The following GET3 variants were observed in gnomAD, a reference collection of about 807,000 sequenced individuals.
GET3 encodes ATPase GET3.
GET3 carries 15 observed loss-of-function variants against 32.4 expected under a neutral mutation model. That is an observed-to-expected ratio of 0.46 (90% CI 0.31 to 0.71). GET3 has a LOEUF of 0.71. Ranked by LOEUF, GET3 falls within the 30% of genes least tolerant of loss-of-function variation. GET3 has a pLI of 0.05. For missense variants in GET3, 333 were observed against 459.0 expected, an observed-to-expected ratio of 0.73 and a Z score of 2.51; for synonymous variants, 198 against 185.6, an observed-to-expected ratio of 1.07 and a Z score of -0.54.
chr19:12,740,632 G>A (rs927432216), intron 2 of GET3, among the ~76,000 whole-genome samples: 7 of 152,176 alleles, frequency 4.6e-5, no homozygotes, highest in South Asian at 2.1e-4. Flanking sequence ...AGCCGAGATC[G>A]CGCCACTGCT....
At position 12,748,192 on chromosome 19, in the gene GET3, C is replaced by T. The variant is rs1967811731; in HGVS notation, c.*88C>T. Reference sequence around the variant, plus strand: ...GGGCAGAGTTTGCACAAAGTCCCCCCCATAATACAGGGGGAGCCACTTGGG... The same window carrying T: ...GGGCAGAGTTTGCACAAAGTCCCCCTCATAATACAGGGGGAGCCACTTGGG... On this transcript the variant is annotated 3_prime_UTR_variant, in exon 7 of 7. Transcript: ENST00000357332. 3 of 1,291,242 alleles carry T rather than the reference C, an allele frequency of 2.3e-6. No homozygotes were observed. Among genetic ancestry groups the T allele is most frequent in the Non-Finnish European group, 3.1e-6 (3 of 968,854 alleles). The allele number at this position is 1,291,242 out of a possible 1,614,324, so 80.0% of individuals were successfully genotyped here. A position where few individuals can be genotyped will look rare whatever the true frequency, so the allele number is the denominator to read the frequency against.
chr19:12,738,409 G>T, intron 1 of GET3, 102 bp from the exon 2 acceptor site: 1 of 1,474,980 alleles, frequency 6.8e-7, no homozygotes, highest in East Asian at 2.3e-5. Context: ...GGCCCCTGCT[G>T]ATTCGGGTCA....
Position 12,746,993 on chromosome 19 carries a change from G to C in GET3, c.610-204G>C, listed in dbSNP as rs184460195. 6.0e-4 allele frequency among the ~76,000 whole-genome samples: 89 copies of C among 148,758 alleles called. 4 individuals are homozygous for C. In the East Asian group the frequency reaches 0.015, roughly 24 times the overall value. On this transcript the variant is annotated intron_variant, in intron 4 of 6. Transcript: ENST00000357332. ...CCATTGTACTCCAGCCTGGGCAACAGAGTGAGACTCCATTTCAAAAAAAAA... is the reference window on the plus strand; with the variant it reads ...CCATTGTACTCCAGCCTGGGCAACACAGTGAGACTCCATTTCAAAAAAAAA...
intron 2 of GET3, 47 bp downstream of exon 2, chr19:12,738,705 C>T: frequency 1.2e-6 from 2 of 1,612,154 alleles, no homozygotes; most frequent in Non-Finnish European, 1.7e-6. Context: ...AAGCCTCTTC[C>T]AGCCTTTCTT....
In GET3 at chr19:12,748,188, C is replaced by T; in HGVS notation, c.*84C>T. On this transcript the variant is annotated 3_prime_UTR_variant, in exon 7 of 7. Coordinates refer to ENST00000357332, the MANE Select transcript of GET3 (RefSeq NM_004317.4). ...CTCGGGGCAGAGTTTGCACAAAGTC[C>T]CCCCCATAATACAGGGGGAGCCACT... 3 of 1,345,628 alleles carry T rather than the reference C, an allele frequency of 2.2e-6. No homozygotes were observed. Among genetic ancestry groups the T allele is most frequent in the Non-Finnish European group, 2.0e-6 (2 of 1,011,528 alleles). The allele number at this position is 1,345,628 out of a possible 1,614,324, so 83.4% of individuals were successfully genotyped here.
intron 2 of GET3, among the ~76,000 whole-genome samples, chr19:12,741,510 G>A (rs1247637307): frequency 2.0e-5 from 3 of 151,936 alleles, no homozygotes; most frequent in Non-Finnish European, 4.4e-5. Flanking sequence ...TGTAATCCCA[G>A]CACTTTGGGA....
At chr19:12,738,690 G>A in intron 2 of GET3, 32 bp downstream of exon 2, 1 of 1,613,638 alleles carries the variant, frequency 6.2e-7, no homozygotes, top group Non-Finnish European at 8.5e-7. Flanking sequence ...CCCCACTTCT[G>A]GGAAAAGCCT....
At chr19:12,737,393 A>G (rs1470689210), upstream of GET3, 8 of 1,282,046 alleles carry the variant, frequency 6.2e-6, no homozygotes, top group Non-Finnish European at 8.2e-6. Flanking sequence ...CTAAAAGGCA[A>G]GTAATGAGGA....
At chr19:12,744,784 G>A (rs566449929) in intron 2 of GET3, among the ~76,000 whole-genome samples, 3 of 152,242 alleles carry the variant, frequency 2.0e-5, no homozygotes, top group African/African-American at 7.2e-5. Context: ...GGGATGTGAG[G>A]AAGGGCTAAT....
chr19:12,744,468 C>T (rs919717369), intron 2 of GET3, among the ~76,000 whole-genome samples: 6 of 152,002 alleles, frequency 3.9e-5, no homozygotes, highest in Admixed American at 2.0e-4. Flanking sequence ...TATAGGCACC[C>T]GCCACTATGC....
At chr19:12,742,735 C>T (rs999779149) in intron 2 of GET3, among the ~76,000 whole-genome samples, 14 of 151,702 alleles carry the variant, frequency 9.2e-5, no homozygotes, top group Non-Finnish European at 5.9e-5. Flanking sequence ...TTAGTAGAGA[C>T]GGGGTTTCAA....
Position 12,737,545 on chromosome 19 carries a change from G to A in GET3, c.40G>A (p.Glu14Lys), listed in dbSNP as rs1043433503. ...GVAGWGVEAEEFEDAPDVEPL... is the reference protein window; with the variant it reads ...GVAGWGVEAEKFEDAPDVEPL... ...GGCCGGGTGGGGGGTTGAGGCAGAG[G>A]AGTTCGAAGATGCTCCTGATGTGGA... The change falls in exon 1 of 7, where the codon GAG becomes AAG. Residue 14 changes from glutamate (E) to lysine (K), a missense_variant. By Grantham distance (56) the Glu-to-Lys change is moderately conservative. This residue lies in a region of GET3 where 64 missense variants were observed against 36.7 expected (regional missense o/e 1.74). Coordinates refer to ENST00000357332, the MANE Select transcript of GET3 (RefSeq NM_004317.4). The A allele has an allele frequency of 2.1e-5, 33 of 1,598,648 alleles. No homozygotes were observed. Among genetic ancestry groups the A allele is most frequent in the Non-Finnish European group, 2.7e-5 (32 of 1,173,484 alleles).
intron 4 of GET3, among the ~76,000 whole-genome samples, chr19:12,746,075 C>T (rs1203154726): frequency 1.3e-5 from 2 of 152,204 alleles, no homozygotes; most frequent in East Asian, 1.9e-4. Context: ...ATCACTTCAC[C>T]TCTCTGGGCC....
At position 12,747,950 on chromosome 19, in the gene GET3, T is replaced by C. The variant is rs752721409; in HGVS notation, c.916-23T>C. 14 of 1,577,234 alleles carry C rather than the reference T, an allele frequency of 8.9e-6. No homozygotes were observed. In the South Asian group the frequency reaches 1.5e-4, roughly 17 times the overall value. On this transcript the variant is annotated intron_variant, in intron 6 of 6. Transcript: ENST00000357332. The surrounding 1 kb of genome is among the most constrained non-coding windows in gnomAD (Gnocchi z 4.0). ...CCTTCCTGCCCCCTGACCACTGCCT[T>C]CTACCCTCTGCCCTGGCTGCAGATG...
chr19:12,738,713 C>T, intron 2 of GET3, 55 bp downstream of exon 2: 8 of 1,608,566 alleles, frequency 5.0e-6, no homozygotes, highest in Non-Finnish European at 6.8e-6. Context: ...TCCAGCCTTT[C>T]TTGTGCGCAC....
chr19:12,744,043 CAAAAAAAAAA>C (rs753666928), intron 2 of GET3, among the ~76,000 whole-genome samples: 21 of 47,808 alleles, frequency 4.4e-4, no homozygotes, highest in African/African-American at 1.3e-3. Context: ...GACTCCATCT[CAAAAAAAAAA>C]AAAAAAAAAA....
chr19:12,747,125 G>A lies in GET3; in HGVS notation c.610-72G>A, dbSNP rs543328875. 124 of 1,314,546 alleles carry A rather than the reference G, an allele frequency of 9.4e-5. No homozygotes were observed. In the Middle Eastern group the frequency reaches 1.1e-3, roughly 12 times the overall value. The allele number at this position is 1,314,546 out of a possible 1,614,324, so 81.4% of individuals were successfully genotyped here. The stretch of plus-strand genomic sequence containing the variant: ...GGGAGGTATCAGGAGTCATCCCTCG[G>A]GTGTTTAGTGAACCCCCAACCCAGG... On this transcript the variant is annotated intron_variant, in intron 4 of 6. Transcript: ENST00000357332. The surrounding 1 kb of genome is among the most constrained non-coding windows in gnomAD (Gnocchi z 4.0).
At position 12,747,541 on chromosome 19, in the gene GET3, C is replaced by T. The variant is rs1247121760; in HGVS notation, c.864C>T (p.Pro288=). 1.2e-6 allele frequency: 2 copies of T among 1,613,908 alleles called. No homozygotes were observed. Among genetic ancestry groups the T allele is most frequent in the Admixed American group, 1.7e-5 (1 of 59,992 alleles). ...TCGTCTTCCCCGACCCCGAGAAGCC[C>T]TGCAAGATGTGTGAGGCCCGTCACA... ...NQLVFPDPEK[P]CKMCEARHKI... Residue 288 remains proline, a synonymous_variant, in exon 6 of 7, where the codon CCC becomes CCT. Transcript: ENST00000357332. The surrounding 1 kb of genome is among the most constrained non-coding windows in gnomAD (Gnocchi z 4.0).
upstream of GET3, chr19:12,737,222 A>T: frequency 3.2e-6 from 1 of 310,724 alleles, no homozygotes; most frequent in Non-Finnish European, 5.9e-6. Flanking sequence ...AGCCAATGAA[A>T]GGAGAGCTGC....
Sources: allele counts gnomAD v4.1 joint callset (sites outside exome capture counted in the v4.1 genomes callset), GRCh38; gene constraint gnomAD v4.1.1; regional missense constraint gnomAD v4.1.1; non-coding constraint Gnocchi (gnomAD v3.1); transcripts MANE v1.5; gene names NCBI Gene and HGNC (gene_info 2026-07-23, HGNC 2026-07-21).